The following LRRC28 variants were observed in gnomAD, a reference collection of about 807,000 sequenced individuals.
LRRC28 encodes the protein leucine-rich repeat-containing protein 28.
In LRRC28, 39 loss-of-function variants were observed where a neutral mutation model predicts 45.7. The ratio of observed to expected loss-of-function variants is 0.85; its 90% CI spans 0.66 to 1.12. The LOEUF is 1.12. Among genes scored for constraint, LRRC28 ranks in the 50% most tolerant of loss-of-function variants. LRRC28 has a pLI of 0.00. For synonymous variants in LRRC28, 206 were observed against 178.8 expected, an observed-to-expected ratio of 1.15 and a Z score of -1.22; for missense variants, 435 against 438.5, an observed-to-expected ratio of 0.99 and a Z score of 0.07.
intron 6 of LRRC28, among the ~76,000 whole-genome samples, chr15:99,345,786 A>G (rs137954045): frequency 6.6e-6 from 1 of 152,336 alleles, no homozygotes; most frequent in Non-Finnish European, 1.5e-5. Context: ...TGATTTAAAT[A>G]TCACAATTTT....
intron 5 of LRRC28, among the ~76,000 whole-genome samples, chr15:99,331,337 A>C (rs892349817): frequency 6.6e-6 from 1 of 152,206 alleles, no homozygotes; most frequent in Admixed American, 6.5e-5. Context: ...TAGCATTGGC[A>C]TCAGCACACT....
At chr15:99,376,429 C>T (rs1295234761) in intron 9 of LRRC28, among the ~76,000 whole-genome samples, 1 of 151,972 alleles carries the variant, frequency 6.6e-6, no homozygotes, top group African/African-American at 2.4e-5. Flanking sequence ...TGATTTTAGA[C>T]CTTTCTTTTC....
chr15:99,261,014 T>A (rs992888231), intron 2 of LRRC28, among the ~76,000 whole-genome samples: 1 of 152,312 alleles, frequency 6.6e-6, no homozygotes, highest in East Asian at 1.9e-4. Flanking sequence ...CCCCTCAGCA[T>A]GTTAGGCCTG....
chr15:99,287,147 A>C, intron 3 of LRRC28, 110 bp from the exon 4 acceptor site: 1 of 849,006 alleles, frequency 1.2e-6, no homozygotes, highest in Non-Finnish European at 1.8e-6. Context: ...AGGGTGCAAA[A>C]GTTGTGGCCT....
chr15:99,381,739 T>C (rs1436923301), intron 9 of LRRC28, among the ~76,000 whole-genome samples: 1 of 152,244 alleles, frequency 6.6e-6, no homozygotes, highest in Non-Finnish European at 1.5e-5. Flanking sequence ...TTTGTTAGTT[T>C]TCTTCTAACA....
chr15:99,328,631 A>G (rs767936092), intron 5 of LRRC28, among the ~76,000 whole-genome samples: 1 of 150,058 alleles, frequency 6.7e-6, no homozygotes, highest in Non-Finnish European at 1.5e-5. Flanking sequence ...TCCAGAGGAG[A>G]CTAGCACATG....
chr15:99,297,203 T>C (rs1368917869), intron 5 of LRRC28: 2 of 142,832 alleles, frequency 1.4e-5, no homozygotes, highest in Non-Finnish European at 1.5e-5. Flanking sequence ...AAAAAAAATA[T>C]CTACCAGAGC....
intron 3 of LRRC28, among the ~76,000 whole-genome samples, chr15:99,286,079 G>A (rs2081950388): frequency 6.6e-6 from 1 of 152,190 alleles, no homozygotes. Context: ...TAAGAATGCA[G>A]AAGAAAACTT....
chr15:99,264,988 G>A (rs1376101955), intron 2 of LRRC28, among the ~76,000 whole-genome samples: 1 of 152,172 alleles, frequency 6.6e-6, no homozygotes, highest in Non-Finnish European at 1.5e-5. Context: ...GGAGAGAGAG[G>A]CAGTTGAGAG....
In LRRC28 at chr15:99,255,822, C is replaced by G. The variant is rs1406775359; in HGVS notation, c.-60-76C>G. ...TTTTTTTCAGTGTCTTCAAGTGGCT[C>G]TGTGTGCTAACTGGTTTATATGGCA... On this transcript the variant is annotated intron_variant, in intron 1 of 9. Transcript: ENST00000301981. 1.1e-5 allele frequency: 9 copies of G among 816,484 alleles called. 1 individual carries two copies. The South Asian group carries it at 1.9e-4, about 17-fold the overall frequency. 50.6% of individuals were successfully genotyped at this position (816,484 alleles called of 1,614,324 possible). A position where few individuals can be genotyped will look rare whatever the true frequency, so the allele number is the denominator to read the frequency against.
At chr15:99,255,492 T>C (rs545491287) in intron 1 of LRRC28, among the ~76,000 whole-genome samples, 1 of 152,070 alleles carries the variant, frequency 6.6e-6, no homozygotes, top group Non-Finnish European at 1.5e-5. Context: ...TATTTTAATA[T>C]TTTTGAAGTA....
intron 5 of LRRC28, among the ~76,000 whole-genome samples, chr15:99,301,017 T>C (rs1010405565): frequency 3.3e-5 from 5 of 152,198 alleles, no homozygotes; most frequent in African/African-American, 1.2e-4. Context: ...GAAGGAAGAA[T>C]CACCATTACT....
At position 99,336,870 on chromosome 15, in the gene LRRC28, G is replaced by T. The variant is rs565452294; in HGVS notation, c.592+2741G>T. On this transcript the variant is annotated intron_variant, in intron 6 of 9. Transcript: ENST00000301981. The stretch of plus-strand genomic sequence containing the variant: ...AATAACTTGTTTTTCTCTTGTCTTG[G>T]TTATTCCATTACATATCCTTTGTCT... Among the ~76,000 whole-genome samples, 5 of 152,154 alleles carry T rather than the reference G, an allele frequency of 3.3e-5. No homozygotes were observed. The East Asian group carries it at 9.7e-4, about 29-fold the overall frequency.
intron 5 of LRRC28, among the ~76,000 whole-genome samples, chr15:99,291,766 T>G (rs1001672693): frequency 2.6e-5 from 4 of 152,230 alleles, no homozygotes; most frequent in Admixed American, 1.3e-4. Flanking sequence ...TTCAAAGTGG[T>G]TATGCCATTT....
chr15:99,315,998 T>TA (rs1955580018), intron 5 of LRRC28, among the ~76,000 whole-genome samples: 1 of 152,210 alleles, frequency 6.6e-6, no homozygotes, highest in Admixed American at 6.5e-5. Context: ...AAAAGCATCA[T>TA]ACATTTTAAA....
chr15:99,285,420 G>A (rs896666775), intron 3 of LRRC28: 27 of 760,330 alleles, frequency 3.6e-5, no homozygotes, highest in African/African-American at 5.1e-5. Flanking sequence ...AGCCCCTGGC[G>A]TGCTTGGTGT....
intron 3 of LRRC28, chr15:99,285,693 T>C (rs2081939802): frequency 1.7e-6 from 1 of 577,730 alleles, no homozygotes; most frequent in South Asian, 1.9e-5. Context: ...TAAAGTCTGT[T>C]TGAAAAATTC....
rs577878549 is a variant in LRRC28, at chr15:99,287,735, T to C, written c.248-79T>C. 28 of 1,444,040 alleles carry C rather than the reference T, an allele frequency of 1.9e-5. No homozygotes were observed. The East Asian group carries it at 6.1e-4, about 32-fold the overall frequency. 89.5% of individuals were successfully genotyped at this position (1,444,040 alleles called of 1,614,324 possible). A position where few individuals can be genotyped will look rare whatever the true frequency, so the allele number is the denominator to read the frequency against. Reference sequence around the variant, plus strand: ...AAGGAAATTAAGTAGTAAAATATTTTAACTTGGAATACTTGCTTTAAAGAT... The same window carrying C: ...AAGGAAATTAAGTAGTAAAATATTTCAACTTGGAATACTTGCTTTAAAGAT... On this transcript the variant is annotated intron_variant, in intron 4 of 9. Transcript: ENST00000301981.
At chr15:99,349,700 CCTGATACG>C (rs1956809591) in intron 6 of LRRC28, among the ~76,000 whole-genome samples, 1 of 152,102 alleles carries the variant, frequency 6.6e-6, no homozygotes, top group African/African-American at 2.4e-5. Flanking sequence ...AACCAATGTC[CCTGATACG>C]TAAAGGACTC....
Sources: allele counts gnomAD v4.1 joint callset (sites outside exome capture counted in the v4.1 genomes callset), GRCh38; gene constraint gnomAD v4.1.1; transcripts MANE v1.5; gene names NCBI Gene and HGNC (gene_info 2026-07-23, HGNC 2026-07-21).